OPCML: variants seen among roughly 807,000 people sequenced by gnomAD.
OPCML encodes the protein opioid binding protein/cell adhesion molecule like.
A neutral mutation model predicts 37.8 loss-of-function variants in OPCML; 13 were observed. That is an observed-to-expected ratio of 0.34 (90% confidence interval 0.22 to 0.55). OPCML has a LOEUF of 0.55. Ranked by LOEUF, OPCML falls within the 20% of genes least tolerant of loss-of-function variation. The pLI, the probability that OPCML is intolerant of heterozygous loss-of-function variation, is 0.91. For missense variants in OPCML, 341 were observed against 435.6 expected, an observed-to-expected ratio of 0.78 and a Z score of 1.93; for synonymous variants, 176 against 168.8, an observed-to-expected ratio of 1.04 and a Z score of -0.33.
chr11:133,501,041 G>A (rs1290396623), intron 1 of OPCML, among the ~76,000 whole-genome samples: 1 of 152,102 alleles, frequency 6.6e-6, no homozygotes, highest in East Asian at 1.9e-4. Flanking sequence ...ACCTGTGGCA[G>A]CTCCAGCACC....
At chr11:132,846,949 A>G (rs1053227841) in intron 2 of OPCML, among the ~76,000 whole-genome samples, 1 of 152,204 alleles carries the variant, frequency 6.6e-6, no homozygotes, top group Non-Finnish European at 1.5e-5. Context: ...AGTGGAGTCT[A>G]ATTCTCCTTC....
chr11:133,359,576 A>C (rs1430901960), intron 1 of OPCML, among the ~76,000 whole-genome samples: 1 of 152,216 alleles, frequency 6.6e-6, no homozygotes, highest in Non-Finnish European at 1.5e-5. Context: ...CCGATGAGAA[A>C]ACAGAGGATC....
At chr11:133,207,697 G>A (rs889545560) in intron 1 of OPCML, among the ~76,000 whole-genome samples, 5 of 152,176 alleles carry the variant, frequency 3.3e-5, no homozygotes, top group Admixed American at 1.3e-4. Context: ...CCATAAGTCT[G>A]TCATGTACTA....
At chr11:132,748,759 T>G (rs1945731677) in intron 2 of OPCML, among the ~76,000 whole-genome samples, 1 of 152,088 alleles carries the variant, frequency 6.6e-6, no homozygotes, top group Admixed American at 6.6e-5. Flanking sequence ...ACAAGATTGC[T>G]CTTCCTGTTC....
intron 1 of OPCML, among the ~76,000 whole-genome samples, chr11:133,195,098 T>A (rs1938486499): frequency 6.6e-6 from 1 of 152,186 alleles, no homozygotes; most frequent in African/African-American, 2.4e-5. Context: ...GATTCCAGAG[T>A]GCATGAGTTT....
At chr11:133,384,226 C>T (rs1183279864) in intron 1 of OPCML, among the ~76,000 whole-genome samples, 3 of 124,952 alleles carry the variant, frequency 2.4e-5, no homozygotes, top group Non-Finnish European at 3.1e-5. Context: ...AATGCAGCTG[C>T]CAAAGCCAAA....
chr11:133,024,240 G>C (rs1163490988), intron 1 of OPCML: 11 of 531,260 alleles, frequency 2.1e-5, no homozygotes, highest in Non-Finnish European at 2.2e-5. Flanking sequence ...GCAGGTTGGT[G>C]GGGGGCTGGG....
chr11:133,509,875 G>C (rs73025680), intron 1 of OPCML, among the ~76,000 whole-genome samples: 5,484 of 152,122 alleles, frequency 0.036, 108 homozygotes, highest in South Asian at 0.094. Context: ...CCTTTGTGAG[G>C]CACCACCTCT....
At chr11:132,819,139 T>C (rs1019967566) in intron 2 of OPCML, among the ~76,000 whole-genome samples, 1 of 151,968 alleles carries the variant, frequency 6.6e-6, no homozygotes, top group Non-Finnish European at 1.5e-5. Context: ...ATTTTGTGCA[T>C]ACCAGAAGGA....
At chr11:133,241,826 C>A (rs1336341798) in intron 1 of OPCML, among the ~76,000 whole-genome samples, 1 of 152,214 alleles carries the variant, frequency 6.6e-6, no homozygotes, top group Non-Finnish European at 1.5e-5. Flanking sequence ...CTGCCCACTG[C>A]CAACAACTTC....
intron 1 of OPCML, among the ~76,000 whole-genome samples, chr11:133,487,127 T>G (rs946534847): frequency 8.5e-5 from 13 of 152,120 alleles, no homozygotes; most frequent in African/African-American, 3.1e-4. Context: ...TGTAAGGTAC[T>G]AGAATAAGCT....
chr11:132,839,138 C>G (rs1941174192), intron 2 of OPCML, among the ~76,000 whole-genome samples: 1 of 152,198 alleles, frequency 6.6e-6, no homozygotes, highest in Admixed American at 6.5e-5. Flanking sequence ...TATTTCCCCA[C>G]AGGGAAAGCA....
intron 4 of OPCML, among the ~76,000 whole-genome samples, chr11:132,463,253 C>A (rs761989282): frequency 6.6e-6 from 1 of 152,194 alleles, no homozygotes; most frequent in Non-Finnish European, 1.5e-5. Context: ...TCAACACTAT[C>A]ACATACTCAC....
chr11:132,993,191 C>G (rs912303079), intron 1 of OPCML, among the ~76,000 whole-genome samples: 1 of 152,166 alleles, frequency 6.6e-6, no homozygotes, highest in African/African-American at 2.4e-5. Context: ...TGTCTATGTA[C>G]GTAGGTATCT....
chr11:133,232,654 G>A (rs1033536634), intron 1 of OPCML, among the ~76,000 whole-genome samples: 3 of 152,162 alleles, frequency 2.0e-5, no homozygotes, highest in Non-Finnish European at 4.4e-5. Flanking sequence ...CACCCACACA[G>A]GCTGGTGGTG....
intron 1 of OPCML, among the ~76,000 whole-genome samples, chr11:133,254,418 G>A (rs532486813): frequency 6.6e-6 from 1 of 152,306 alleles, no homozygotes; most frequent in African/African-American, 2.4e-5. Flanking sequence ...TTTTGGATCA[G>A]AAAACAAAGG....
intron 3 of OPCML, among the ~76,000 whole-genome samples, chr11:132,555,336 G>C (rs1214783751): frequency 6.6e-6 from 1 of 152,080 alleles, no homozygotes; most frequent in East Asian, 1.9e-4. Flanking sequence ...GGCAGCAGGT[G>C]AGAGAGAATG....
At chr11:133,328,000 G>T (rs115273946) in intron 1 of OPCML, among the ~76,000 whole-genome samples, 2 of 152,026 alleles carry the variant, frequency 1.3e-5, no homozygotes, top group African/African-American at 4.8e-5. Flanking sequence ...TTCAGTTTCC[G>T]TTTGACTTTC....
chr11:133,420,804 G>C, intron 1 of OPCML: 1 of 985,398 alleles, frequency 1.0e-6, no homozygotes, highest in Non-Finnish European at 1.2e-6. Flanking sequence ...GGTATTATTT[G>C]AAAACTAGAA....
Sources: gnomAD v4.1 joint callset for allele counts (sites outside exome capture counted in the v4.1 genomes callset) on GRCh38, gnomAD v4.1.1 for gene constraint, MANE v1.5 for transcripts, NCBI Gene and HGNC (gene_info 2026-07-23, HGNC 2026-07-21) for gene names.